The following SLC12A3 variants were observed in gnomAD, a reference collection of about 807,000 sequenced individuals.
SLC12A3 encodes Na-Cl cotransporter.
Under a neutral mutation model 121.0 loss-of-function variants are expected in SLC12A3, and 104 were observed. That is an observed-to-expected ratio of 0.86 (90% CI 0.73 to 1.01). The LOEUF is 1.01. SLC12A3 is among the 50% of genes least tolerant of loss of function. SLC12A3 has a pLI of 0.00. For synonymous variants in SLC12A3, 536 were observed against 533.4 expected, an observed-to-expected ratio of 1.00 and a Z score of -0.07; for missense variants, 1,328 against 1,356.3, an observed-to-expected ratio of 0.98 and a Z score of 0.33.
rs566778453 is a variant in SLC12A3 at position 56,885,833 on chromosome 16, A to T, written c.1925+469A>T. ...CTTGCAAAGTGCCTTACACAGCCTTACAAGAACCGGCTGAGGTCCAGGAAA... is the reference window on the plus strand; with the variant it reads ...CTTGCAAAGTGCCTTACACAGCCTTTCAAGAACCGGCTGAGGTCCAGGAAA... On this transcript the variant is annotated intron_variant, in intron 15 of 25. Coordinates refer to ENST00000563236, the MANE Select transcript of SLC12A3 (RefSeq NM_001126108.2). Among the ~76,000 whole-genome samples the T allele has an allele frequency of 4.3e-4, 65 of 152,316 alleles. No homozygotes were observed. In the South Asian group the frequency reaches 0.013, roughly 31 times the overall value.
At position 56,894,851 on chromosome 16, in the gene SLC12A3, C is replaced by T. The variant is rs79736754; in HGVS notation, c.2633+209C>T. Among the ~76,000 whole-genome samples, 14,539 of 152,138 alleles carry T rather than the reference C, an allele frequency of 0.096. 874 individuals carry two copies. Among genetic ancestry groups the T allele is most frequent in the East Asian group, 0.23 (1,185 of 5,168 alleles). ...TCCATTCCAGAAGTTGTTCTGGTTT[C>T]CTGCCCCCTTCAATAAATGCAGATG... On this transcript the variant is annotated intron_variant, in intron 22 of 25. Coordinates refer to ENST00000563236, the MANE Select transcript of SLC12A3 (RefSeq NM_001126108.2).
intron 8 of SLC12A3, among the ~76,000 whole-genome samples, chr16:56,876,331 A>T (rs181914981): frequency 4.7e-4 from 71 of 152,218 alleles, no homozygotes; most frequent in Non-Finnish European, 9.0e-4. Context: ...GGTGGATGTG[A>T]ATTTTGGGGG....
intron 3 of SLC12A3, 64 bp downstream of exon 3, chr16:56,868,436 T>G: frequency 6.8e-7 from 1 of 1,464,590 alleles, no homozygotes. Context: ...CCAGCTTGCC[T>G]GAATCCTGTT....
rs2304483 is a variant in SLC12A3 at position 56,884,041 on chromosome 16, T to C, written c.1670-8T>C. The C allele has an allele frequency of 0.4, 653,139 of 1,613,464 alleles. 138,507 individuals are homozygous for C. Among genetic ancestry groups the C allele is most frequent in the African/African-American group, 0.68 (51,178 of 74,978 alleles). On this transcript the variant is annotated splice_polypyrimidine_tract_variant and splice_region_variant and intron_variant, in intron 13 of 25. Coordinates refer to ENST00000563236, the MANE Select transcript of SLC12A3 (RefSeq NM_001126108.2). Reference sequence around the variant, plus strand: ...AGGCATGCCCACTGACTGGTGCCCTTGGCCCAGGGTGGAGACCTTCATTCC... The same window carrying C: ...AGGCATGCCCACTGACTGGTGCCCTCGGCCCAGGGTGGAGACCTTCATTCC...
chr16:56,913,225 G>T (rs192580452), intron 25 of SLC12A3, 39 bp from the exon 26 acceptor site: 2 of 1,613,942 alleles, frequency 1.2e-6, no homozygotes, highest in Non-Finnish European at 1.7e-6. Context: ...GAGCGGCCCC[G>T]TGGTAATCTC....
chr16:56,870,235 G>GGTGA lies in SLC12A3; in HGVS notation c.741+2_741+5dup. On this transcript the variant is annotated frameshift_variant and splice_region_variant. Coordinates refer to ENST00000563236, the MANE Select transcript of SLC12A3 (RefSeq NM_001126108.2). LOFTEE classifies it high-confidence loss of function. ...CAGAGACCGTGCGGGACCTGCTCCA[G>GGTGA]GTGAGGCCGGGGGGCTGGACCCTGG... The GGTGA allele has an allele frequency of 6.2e-7, 1 of 1,612,734 alleles. No homozygotes were observed. Among genetic ancestry groups the GGTGA allele is most frequent in the Non-Finnish European group, 8.5e-7 (1 of 1,179,948 alleles).
chr16:56,913,662 A>G lies in SLC12A3; in HGVS notation c.*257A>G. The stretch of plus-strand genomic sequence containing the variant: ...CAAGGAAAACTCTCTAAAGCATCCT[A>G]TTCCTTTTAAAGGATTTCTTTTGAT... On this transcript the variant is annotated 3_prime_UTR_variant, in exon 26 of 26. Coordinates refer to ENST00000563236, the MANE Select transcript of SLC12A3 (RefSeq NM_001126108.2). 1 of 531,804 alleles carries G rather than the reference A, an allele frequency of 1.9e-6. No homozygotes were observed. Among genetic ancestry groups the G allele is most frequent in the Non-Finnish European group, 3.4e-6 (1 of 295,146 alleles). The allele number at this position is 531,804 out of a possible 1,614,324, so 32.9% of individuals were successfully genotyped here. A position where few individuals can be genotyped will look rare whatever the true frequency, so the allele number is the denominator to read the frequency against.
intron 8 of SLC12A3, among the ~76,000 whole-genome samples, chr16:56,874,941 C>A (rs2055147416): frequency 6.6e-6 from 1 of 152,220 alleles, no homozygotes; most frequent in African/African-American, 2.4e-5. Flanking sequence ...TGGCTCCTCT[C>A]CTTTTTCTGG....
At chr16:56,883,754 C>T (rs1479827459) in intron 13 of SLC12A3, among the ~76,000 whole-genome samples, 2 of 152,232 alleles carry the variant, frequency 1.3e-5, no homozygotes, top group Admixed American at 6.5e-5. Flanking sequence ...CTCCATCTCA[C>T]CCCCTTGGCA....
rs74472056 is a variant in SLC12A3, at chr16:56,912,977, G to A, written c.2925-287G>A. On this transcript the variant is annotated intron_variant, in intron 25 of 25. Transcript: ENST00000563236. ...TTAGGAATGGAAAGAAAGCCACAGG[G>A]CATCGGGGGTGAGCAAGGCGAGGGT... Among the ~76,000 whole-genome samples the A allele has an allele frequency of 1.2e-4, 18 of 152,292 alleles. No individual in the cohort carries two copies. The East Asian group carries it at 2.9e-3, about 24-fold the overall frequency.
At position 56,882,372 on chromosome 16, in the gene SLC12A3, C is replaced by G. The variant is rs752424465; in HGVS notation, c.1568-24C>G. On this transcript the variant is annotated intron_variant, in intron 12 of 25. Coordinates refer to ENST00000563236, the MANE Select transcript of SLC12A3 (RefSeq NM_001126108.2). Reference sequence around the variant, plus strand: ...TGGCAGAGTTGCCCAACAGGCTGTCCTCTCTCTCCCTGGGTCCCCGAAGCT... The same window carrying G: ...TGGCAGAGTTGCCCAACAGGCTGTCGTCTCTCTCCCTGGGTCCCCGAAGCT... 1.9e-6 allele frequency: 3 copies of G among 1,597,034 alleles called. No homozygotes were observed. The South Asian group carries it at 3.3e-5, about 18-fold the overall frequency.
intron 4 of SLC12A3, 79 bp downstream of exon 4, chr16:56,869,903 C>T (rs1476236696): frequency 2.8e-6 from 4 of 1,416,312 alleles, no homozygotes; most frequent in Non-Finnish European, 4.0e-6. Context: ...ACTTCCCCAA[C>T]CCAATGGTAC....
intron 22 of SLC12A3, among the ~76,000 whole-genome samples, chr16:56,895,635 C>T (rs1471384617): frequency 2.0e-5 from 3 of 151,864 alleles, no homozygotes; most frequent in Non-Finnish European, 4.4e-5. Flanking sequence ...GGCATCAGTC[C>T]CCAACCTTTT....
At chr16:56,880,455 A>T (rs1257484567) in intron 12 of SLC12A3, among the ~76,000 whole-genome samples, 1 of 151,604 alleles carries the variant, frequency 6.6e-6, no homozygotes, top group Non-Finnish European at 1.5e-5. Flanking sequence ...TCCCCTTCCC[A>T]CCTCCAGGCA....
Position 56,913,518 on chromosome 16 carries a change from G to A in SLC12A3, c.*113G>A. Reference sequence around the variant, plus strand: ...ATGTTCTGTTGCACTTTAAGTGGCAGCATCTGATGATCTCACCGAAAAAGA... The same window carrying A: ...ATGTTCTGTTGCACTTTAAGTGGCAACATCTGATGATCTCACCGAAAAAGA... On this transcript the variant is annotated 3_prime_UTR_variant, in exon 26 of 26. Coordinates refer to ENST00000563236, the MANE Select transcript of SLC12A3 (RefSeq NM_001126108.2). 1 of 1,095,478 alleles carries A rather than the reference G, an allele frequency of 9.1e-7. No homozygotes were observed. The highest frequency in any genetic ancestry group is 1.4e-6 in the Non-Finnish European group (1 of 709,220). 67.9% of individuals were successfully genotyped at this position (1,095,478 alleles called of 1,614,324 possible). A position where few individuals can be genotyped will look rare whatever the true frequency, so the allele number is the denominator to read the frequency against.
At position 56,869,730 on chromosome 16, in the gene SLC12A3, C is replaced by T. The variant is rs1387667650; in HGVS notation, c.507C>T (p.Val169=). 3 of 1,613,914 alleles carry T rather than the reference C, an allele frequency of 1.9e-6. No homozygotes were observed. Among genetic ancestry groups the T allele is most frequent in the Non-Finnish European group, 2.5e-6 (3 of 1,179,934 alleles). The change falls in exon 4 of 26, where the codon GTC becomes GTT. Residue 169 remains valine, a splice_region_variant and synonymous_variant. Transcript: ENST00000563236. ...LPWITAQAGI[V]LTWIIILLSV... is the part of the protein sequence containing the mutation. ...CTAAGCTTTGGGTGCCCCCTGCAGT[C>T]CTGACCTGGATCATCATCCTGCTGT...
At chr16:56,873,374 C>CTTTTTTTTTTTTTTTTTTTTT (rs59478629) in intron 8 of SLC12A3, among the ~76,000 whole-genome samples, 3 of 75,372 alleles carry the variant, frequency 4.0e-5, no homozygotes, top group Non-Finnish European at 7.3e-5. Flanking sequence ...CTCTTTCTTT[C>CTTTTTTTTTTTTTTTTTTTTT]TTTTTTTTTT....
intron 22 of SLC12A3, among the ~76,000 whole-genome samples, chr16:56,896,213 G>A (rs2055460191): frequency 6.6e-6 from 1 of 152,218 alleles, no homozygotes; most frequent in South Asian, 2.1e-4. Flanking sequence ...GTCTTTTGGT[G>A]AGAAGTGCCT....
intron 25 of SLC12A3, 37 bp from the exon 26 acceptor site, chr16:56,913,227 G>A: frequency 1.2e-6 from 2 of 1,613,912 alleles, no homozygotes; most frequent in Non-Finnish European, 8.5e-7. Flanking sequence ...GCGGCCCCGT[G>A]GTAATCTCTC....
Sources: gnomAD v4.1 joint callset for allele counts (sites outside exome capture counted in the v4.1 genomes callset) on GRCh38, gnomAD v4.1.1 for gene constraint, MANE v1.5 for transcripts, NCBI Gene and HGNC (gene_info 2026-07-23, HGNC 2026-07-21) for gene names.